Variants in CPSF6 observed in about 807,000 individuals in gnomAD.
CPSF6 encodes cleavage and polyadenylation specific factor 6.
A neutral mutation model predicts 56.7 loss-of-function variants in CPSF6; 10 were observed. That is an observed-to-expected ratio of 0.18 (90% CI 0.11 to 0.30). The LOEUF is 0.30. Among genes scored for constraint, CPSF6 ranks in the 10% least tolerant of loss-of-function variants. CPSF6 has a pLI of 1.00. For synonymous variants in CPSF6, 248 were observed against 244.8 expected, an observed-to-expected ratio of 1.01 and a Z score of -0.12; for missense variants, 419 against 722.9, an observed-to-expected ratio of 0.58 and a Z score of 4.82.
intron 1 of CPSF6, among the ~76,000 whole-genome samples, chr12:69,249,326 C>G (rs1872110067): frequency 6.6e-6 from 1 of 151,904 alleles, no homozygotes; most frequent in African/African-American, 2.4e-5. Context: ...AATAAAAGAT[C>G]TTATTCTGGC....
At chr12:69,253,244 A>G in intron 3 of CPSF6, 90 bp downstream of exon 3, 1 of 595,788 alleles carries the variant, frequency 1.7e-6, no homozygotes, top group South Asian at 2.4e-5. Context: ...TTAATTACAC[A>G]TGTATACACA....
rs1872630923 is a variant in CPSF6 at position 69,258,997 on chromosome 12, A to G, written c.1102A>G (p.Ser368Gly). 6.2e-7 allele frequency: 1 copy of G among 1,612,448 alleles called. No homozygotes were observed. Reference protein sequence around the residue: ...NPAFFPPPTNSGMPTSDSRGP... With the variant: ...NPAFFPPPTNGGMPTSDSRGP... ...AGCTTTCTTTCCTCCACCAACTAAC[A>G]GTGGCATGCCTACATCAGATAGCCG... Residue 368 changes from serine (S) to glycine (G), a missense_variant, in exon 6 of 10, where the codon AGT becomes GGT. Ser to Gly is a moderately conservative substitution (Grantham distance 56). Around this residue, in one of 4 missense-constraint regions of CPSF6, gnomAD observed 211 missense variants for 296.0 expected, o/e 0.71. Coordinates refer to ENST00000435070, the MANE Select transcript of CPSF6 (RefSeq NM_007007.3). This position sits in a 1 kb window ranked among gnomAD's most constrained non-coding sequence, Gnocchi z 4.2.
chr12:69,260,010 T>C, intron 7 of CPSF6, 34 bp from the exon 8 acceptor site: 1 of 1,601,622 alleles, frequency 6.2e-7, no homozygotes, highest in Middle Eastern at 1.7e-4. Flanking sequence ...AAACAAAATT[T>C]GTTTGACTTC....
At chr12:69,256,621 C>T in intron 3 of CPSF6, 76 bp from the exon 4 acceptor site, 2 of 1,414,398 alleles carry the variant, frequency 1.4e-6, no homozygotes. Context: ...CAGATTAAGA[C>T]CTTTTTACAG....
At chr12:69,265,090 T>G (rs569678980) in intron 9 of CPSF6, among the ~76,000 whole-genome samples, 19 of 152,312 alleles carry the variant, frequency 1.2e-4, no homozygotes, top group East Asian at 5.8e-4. Flanking sequence ...TAATTTTTTT[T>G]TGTGTTTGAA....
chr12:69,251,237 C>T lies in CPSF6; in HGVS notation c.169C>T (p.Pro57Ser). ...AGACCGAGATTACATGGATACTCTCCCACCAACTGTTGGTGATGATGTGGG... is the reference window on the plus strand; with the variant it reads ...AGACCGAGATTACATGGATACTCTCTCACCAACTGTTGGTGATGATGTGGG... Reference protein sequence around the residue: ...PEDRDYMDTLPPTVGDDVGKG... With the variant: ...PEDRDYMDTLSPTVGDDVGKG... Residue 57 changes from proline (P) to serine (S), a missense_variant, in exon 2 of 10, where the codon CCA (proline) becomes TCA (serine). Around this residue, in one of 4 missense-constraint regions of CPSF6, gnomAD observed 125 missense variants for 216.4 expected, o/e 0.58. Transcript: ENST00000435070. 1 of 1,613,006 alleles carries T rather than the reference C, an allele frequency of 6.2e-7. No individual in the cohort carries two copies. Among genetic ancestry groups the T allele is most frequent in the Non-Finnish European group, 8.5e-7 (1 of 1,179,788 alleles).
At chr12:69,243,772 A>T (rs1410554273) in intron 1 of CPSF6, among the ~76,000 whole-genome samples, 1 of 152,138 alleles carries the variant, frequency 6.6e-6, no homozygotes, top group Non-Finnish European at 1.5e-5. Flanking sequence ...TAAACACTGT[A>T]CAGTACACTC....
rs909868990 is a variant in CPSF6, at chr12:69,248,513, C to G, written c.61-2616C>G. Among the ~76,000 whole-genome samples the G allele has an allele frequency of 3.3e-5, 5 of 152,200 alleles. No homozygotes were observed. The South Asian group carries it at 6.2e-4, about 19-fold the overall frequency. On this transcript the variant is annotated intron_variant, in intron 1 of 9. Coordinates refer to ENST00000435070, the MANE Select transcript of CPSF6 (RefSeq NM_007007.3). ...TAAGTGCATGGAACTACTGCTGCAG[C>G]CACACCGCCTGAAGCTTCAGCCACA...
chr12:69,257,419 T>G (rs1261603999), intron 4 of CPSF6, among the ~76,000 whole-genome samples: 1 of 152,226 alleles, frequency 6.6e-6, no homozygotes, highest in Admixed American at 6.5e-5. Flanking sequence ...GTTACAAAAT[T>G]TAAATGATGT....
At position 69,274,109 on chromosome 12, in the gene CPSF6, C is replaced by CTTTTTTTTTTTTTTTT. The variant is rs3051104; in HGVS notation, c.*4604_*4619dup. 8.4e-6 allele frequency: 1 copy of CTTTTTTTTTTTTTTTT among 119,088 alleles called. No individual in the cohort carries two copies. Among genetic ancestry groups the CTTTTTTTTTTTTTTTT allele is most frequent in the Non-Finnish European group, 1.7e-5 (1 of 58,930 alleles). 7.4% of individuals were successfully genotyped at this position (119,088 alleles called of 1,614,324 possible). A position where few individuals can be genotyped will look rare whatever the true frequency, so the allele number is the denominator to read the frequency against. ...GTAAGGTGATAATTGATCTAATAGA[C>CTTTTTTTTTTTTTTTT]TTTTTTTTTTTTTTTTTTGCTGTCC... On this transcript the variant is annotated 3_prime_UTR_variant, in exon 10 of 10. Coordinates refer to ENST00000435070, the MANE Select transcript of CPSF6 (RefSeq NM_007007.3).
In CPSF6 at chr12:69,239,576, C is replaced by G. The variant is rs545232822; in HGVS notation, c.-71C>G. ...AAGCGCCCCCCCACCGCCGCTAGAT[C>G]CGCTGCTGCTGCCGCGGCGGGCAGA... On this transcript the variant is annotated 5_prime_UTR_variant, in exon 1 of 10. In the 5' UTR this introduces an upstream ATG that the reference lacks. Coordinates refer to ENST00000435070, the MANE Select transcript of CPSF6 (RefSeq NM_007007.3). 2.4e-5 allele frequency: 36 copies of G among 1,511,158 alleles called. No individual in the cohort carries two copies. Among genetic ancestry groups the G allele is most frequent in the East Asian group, 2.2e-4 (8 of 36,046 alleles). The allele number at this position is 1,511,158 out of a possible 1,614,324, so 93.6% of individuals were successfully genotyped here. A position where few individuals can be genotyped will look rare whatever the true frequency, so the allele number is the denominator to read the frequency against.
chr12:69,268,063 G>A (rs561021391), intron 9 of CPSF6, among the ~76,000 whole-genome samples: 1 of 151,738 alleles, frequency 6.6e-6, no homozygotes, highest in Non-Finnish European at 1.5e-5. Flanking sequence ...TTTGCAGTTA[G>A]ATTTATTAAT....
chr12:69,245,565 A>G (rs539258607), intron 1 of CPSF6, among the ~76,000 whole-genome samples: 6 of 152,164 alleles, frequency 3.9e-5, no homozygotes, highest in Non-Finnish European at 7.3e-5. Flanking sequence ...GACAGGTCCT[A>G]TATTGTAGTT....
chr12:69,261,130 G>A (rs1205172186), intron 8 of CPSF6, among the ~76,000 whole-genome samples: 2 of 152,062 alleles, frequency 1.3e-5, no homozygotes, highest in African/African-American at 4.8e-5. Context: ...TATGTCTTTA[G>A]TGTACTCTAT....
intron 9 of CPSF6, among the ~76,000 whole-genome samples, chr12:69,266,944 A>G (rs1368143734): frequency 6.6e-6 from 1 of 152,116 alleles, no homozygotes; most frequent in Non-Finnish European, 1.5e-5. Flanking sequence ...TACAATAACT[A>G]GAATTGTTTT....
chr12:69,273,661 A>C lies in CPSF6; in HGVS notation c.*4153A>C, dbSNP rs1313976371. 1 of 151,934 alleles carries C rather than the reference A, an allele frequency of 6.6e-6. No individual in the cohort carries two copies. Among genetic ancestry groups the C allele is most frequent in the Non-Finnish European group, 1.5e-5 (1 of 67,838 alleles). 9.4% of individuals were successfully genotyped at this position (151,934 alleles called of 1,614,324 possible). ...AACACTTCTCAACATTCTGTAAGTT[A>C]AATTATTTTAAAATAACTATGGTGA... is the stretch of plus-strand genomic sequence containing the variant. On this transcript the variant is annotated 3_prime_UTR_variant, in exon 10 of 10. Transcript: ENST00000435070.
intron 1 of CPSF6, 89 bp downstream of exon 1, chr12:69,239,795 G>A: frequency 7.6e-7 from 1 of 1,322,988 alleles, no homozygotes; most frequent in Non-Finnish European, 1.0e-6. Context: ...GCGAGCCGAA[G>A]CGACTGCAGA....
chr12:69,258,500 A>G lies in CPSF6; in HGVS notation c.695-90A>G, dbSNP rs903490429. The G allele has an allele frequency of 1.7e-5, 23 of 1,316,492 alleles. No individual in the cohort carries two copies. The highest frequency in any genetic ancestry group is 7.1e-5 in the East Asian group (3 of 42,040). The allele number at this position is 1,316,492 out of a possible 1,614,324, so 81.6% of individuals were successfully genotyped here. A position where few individuals can be genotyped will look rare whatever the true frequency, so the allele number is the denominator to read the frequency against. The stretch of plus-strand genomic sequence containing the variant: ...AAGACAAAGACTTGGTGTATGCTCT[A>G]TGCGTTTAAAGTATAATCTTGGCAT... On this transcript the variant is annotated intron_variant, in intron 5 of 9. Coordinates refer to ENST00000435070, the MANE Select transcript of CPSF6 (RefSeq NM_007007.3). This position sits in a 1 kb window ranked among gnomAD's most constrained non-coding sequence, Gnocchi z 4.2.
intron 8 of CPSF6, among the ~76,000 whole-genome samples, chr12:69,261,424 G>T (rs1314094308): frequency 6.6e-6 from 1 of 150,926 alleles, no homozygotes; most frequent in African/African-American, 2.5e-5. Flanking sequence ...AAATATCTGG[G>T]CCTGGTGGTG....
Sources: gnomAD v4.1 joint callset for allele counts (sites outside exome capture counted in the v4.1 genomes callset) on GRCh38, gnomAD v4.1.1 for gene constraint, gnomAD v4.1.1 regional missense constraint, Gnocchi (gnomAD v3.1) non-coding constraint, MANE v1.5 for transcripts, NCBI Gene and HGNC (gene_info 2026-07-23, HGNC 2026-07-21) for gene names.